The following SCARB1 variants were observed in gnomAD, a reference collection of about 807,000 sequenced individuals.
SCARB1 encodes scavenger receptor class B member 1, also known as CD36 and LIMPII analogous 1.
SCARB1 carries 30 observed loss-of-function variants against 57.2 expected under a neutral mutation model. The ratio of observed to expected loss-of-function variants is 0.52; its 90% CI spans 0.39 to 0.71. SCARB1 has a LOEUF of 0.71. Among genes scored for constraint, SCARB1 ranks in the 30% least tolerant of loss-of-function variants. The pLI is 0.00. For synonymous variants in SCARB1, 249 were observed against 268.3 expected (o/e 0.93, Z 0.70); for missense variants, 543 against 671.2 (o/e 0.81, Z 2.11).
intron 1 of SCARB1, chr12:124,839,197 C>T: frequency 2.2e-6 from 1 of 455,642 alleles, no homozygotes. Flanking sequence ...CCTGTACCCA[C>T]TGAAAAAGAG....
rs1163716020 is a variant in SCARB1, at chr12:124,800,457, C to A, written c.1010-215G>T. Reference sequence around the variant, plus strand: ...GCCAGAGAAGGGGTGAGGCAGGAGCCGCTGATTCTGACAGGAGAGACCAAA... The same window carrying A: ...GCCAGAGAAGGGGTGAGGCAGGAGCAGCTGATTCTGACAGGAGAGACCAAA... On this transcript the variant is annotated intron_variant, in intron 7 of 12. Transcript: ENST00000261693. The surrounding 1 kb of genome is among the most constrained non-coding windows in gnomAD (Gnocchi z 4.8). Among the ~76,000 whole-genome samples the A allele has an allele frequency of 6.6e-6, 1 of 152,122 alleles. No homozygotes were observed. Among genetic ancestry groups the A allele is most frequent in the African/African-American group, 2.4e-5 (1 of 41,408 alleles).
In SCARB1 at chr12:124,777,794, C is replaced by T. The variant is rs1296994597; in HGVS notation, c.*793G>A. On this transcript the variant is annotated 3_prime_UTR_variant, in exon 13 of 13. Transcript: ENST00000261693. ...TCACCTCAGCCTGGGCACCTATAAT[C>T]TGAGGGACCCTGTGAGGGGGTGGGG... The T allele has an allele frequency of 6.6e-6, 1 of 152,472 alleles. No individual in the cohort carries two copies. The highest frequency in any genetic ancestry group is 1.5e-5 in the Non-Finnish European group (1 of 68,230). The allele number at this position is 152,472 out of a possible 1,614,324, so 9.4% of individuals were successfully genotyped here.
intron 12 of SCARB1, among the ~76,000 whole-genome samples, chr12:124,779,542 T>C (rs1873017089): frequency 6.6e-6 from 1 of 152,180 alleles, no homozygotes; most frequent in Non-Finnish European, 1.5e-5. Context: ...GCTGGCCATC[T>C]TCAACACTGA....
chr12:124,788,663 G>A (rs1347887974), intron 9 of SCARB1, among the ~76,000 whole-genome samples: 1 of 152,200 alleles, frequency 6.6e-6, no homozygotes, highest in African/African-American at 2.4e-5. Flanking sequence ...TCTGCCTCCA[G>A]ACATCCTCTA....
chr12:124,858,070 T>C (rs1223954423), intron 1 of SCARB1, among the ~76,000 whole-genome samples: 2 of 152,214 alleles, frequency 1.3e-5, no homozygotes, highest in Non-Finnish European at 2.9e-5. Flanking sequence ...CACAGCTGCA[T>C]GCCAGGCTCA....
intron 1 of SCARB1, among the ~76,000 whole-genome samples, chr12:124,845,765 T>C (rs1952121078): frequency 6.7e-6 from 1 of 149,898 alleles, no homozygotes; most frequent in East Asian, 2.0e-4. Context: ...CCCAACACTT[T>C]GGGACCAAGG....
rs1950764990 is a variant in SCARB1 at position 124,817,134 on chromosome 12, ATGTGTATGTGTATGTGTG to A, written c.284+398_284+415del. ...TACGTGTGTATGTATGTATGTGTGT[ATGTGTATGTGTATGTGTG>A]TGTATGTATGTGTGTAACTCACACA... On this transcript the variant is annotated intron_variant, in intron 2 of 12. Coordinates refer to ENST00000261693, the MANE Select transcript of SCARB1 (RefSeq NM_005505.5). This position sits in a 1 kb window ranked among gnomAD's most constrained non-coding sequence, Gnocchi z 4.8. 2.6e-5 allele frequency among the ~76,000 whole-genome samples: 1 copy of A among 39,138 alleles called. No homozygotes were observed. Among genetic ancestry groups the A allele is most frequent in the Admixed American group, 2.7e-4 (1 of 3,702 alleles). The allele number at this position is 39,138 out of a possible 152,430, so 25.7% of individuals were successfully genotyped here. A position where few individuals can be genotyped will look rare whatever the true frequency, so the allele number is the denominator to read the frequency against.
Position 124,859,756 on chromosome 12 carries a change from G to C in SCARB1, c.126+3839C>G, listed in dbSNP as rs904547652. On this transcript the variant is annotated intron_variant, in intron 1 of 12. Transcript: ENST00000261693. ...AGGCCAAGGCAGAAGGATCACTTAAGGCCAGGAGTTCGAGACCAGCCTGGG... is the reference window on the plus strand; with the variant it reads ...AGGCCAAGGCAGAAGGATCACTTAACGCCAGGAGTTCGAGACCAGCCTGGG... 7.1e-4 allele frequency among the ~76,000 whole-genome samples: 108 copies of C among 152,206 alleles called. 1 individual carries two copies. Among genetic ancestry groups the C allele is most frequent in the African/African-American group, 2.3e-3 (94 of 41,530 alleles).
chr12:124,838,054 T>C (rs1448114589), intron 1 of SCARB1, among the ~76,000 whole-genome samples: 1 of 152,258 alleles, frequency 6.6e-6, no homozygotes, highest in Non-Finnish European at 1.5e-5. Context: ...GTGTCGTCAA[T>C]GGCAGCCTCA....
chr12:124,786,692 C>A (rs368969923), intron 10 of SCARB1, among the ~76,000 whole-genome samples, 189 bp from the exon 11 acceptor site: 1 of 152,234 alleles, frequency 6.6e-6, no homozygotes, highest in Non-Finnish European at 1.5e-5. Flanking sequence ...TACAATTCCC[C>A]GACTCCCTTG....
intron 10 of SCARB1, 89 bp from the exon 11 acceptor site, chr12:124,786,592 G>A (rs1949528894): frequency 2.1e-5 from 33 of 1,567,426 alleles, no homozygotes; most frequent in Non-Finnish European, 2.4e-5. Context: ...CTCTGTGCCC[G>A]CCTCAGCTTT....
rs780321324 is a variant in SCARB1 at position 124,779,470 on chromosome 12, G to A, written c.*1-884C>T. Among the ~76,000 whole-genome samples, 9 of 152,080 alleles carry A rather than the reference G, an allele frequency of 5.9e-5. No homozygotes were observed. The South Asian group carries it at 6.2e-4, about 11-fold the overall frequency. On this transcript the variant is annotated intron_variant, in intron 12 of 12. Transcript: ENST00000261693. ...CATGGCTGCTCAGGGTATGCGGGGC[G>A]CAGGACGTGGGGAGGGGGACGAGGG...
In SCARB1 at chr12:124,815,052, T is replaced by A. The variant is rs754220228; in HGVS notation, c.347A>T (p.Tyr116Phe). The A allele has an allele frequency of 1.2e-6, 2 of 1,614,050 alleles. No homozygotes were observed. The highest frequency in any genetic ancestry group is 3.3e-5 in the Admixed American group (2 of 60,004). Residue 116 changes from tyrosine to phenylalanine, a missense_variant, in exon 3 of 13, where the codon TAC (tyrosine) becomes TTC (phenylalanine). Tyr to Phe is a conservative substitution (Grantham distance 22). Coordinates refer to ENST00000261693, the MANE Select transcript of SCARB1 (RefSeq NM_005505.5). Reference protein sequence around the residue: ...NNNDTVSFLEYRTFQFQPSKS... With the variant: ...NNNDTVSFLEFRTFQFQPSKS... ...GGAGGGCTGGAACTGGAAGGTGCGG[T>A]ACTCGAGGAAGGACACGGTGTCGTT...
At chr12:124,858,006 T>G (rs1952710746) in intron 1 of SCARB1, among the ~76,000 whole-genome samples, 2 of 152,180 alleles carry the variant, frequency 1.3e-5, no homozygotes, top group African/African-American at 4.8e-5. Flanking sequence ...GGAACTTGGA[T>G]GTGTGCCCCC....
intron 1 of SCARB1, among the ~76,000 whole-genome samples, chr12:124,851,655 T>C (rs1952406823): frequency 2.0e-5 from 3 of 148,086 alleles, no homozygotes; most frequent in Non-Finnish European, 4.4e-5. Context: ...TCACCTAGGC[T>C]GAAGTGCAGT....
chr12:124,820,490 C>T (rs1305195286), intron 1 of SCARB1, among the ~76,000 whole-genome samples: 1 of 152,120 alleles, frequency 6.6e-6, no homozygotes, highest in Non-Finnish European at 1.5e-5. Context: ...CATGCGACCA[C>T]AGCCCACAGG....
rs1594303382 is a variant in SCARB1, at chr12:124,822,827, G to A, written c.127-5120C>T. ...CACTTGAGCCCAGGAGTTCAAGGCT[G>A]CAGTGAGCCGTGATCATGTGCCTGC... On this transcript the variant is annotated intron_variant, in intron 1 of 12. Coordinates refer to ENST00000261693, the MANE Select transcript of SCARB1 (RefSeq NM_005505.5). This position sits in a 1 kb window ranked among gnomAD's most constrained non-coding sequence, Gnocchi z 5.0. 1.3e-5 allele frequency among the ~76,000 whole-genome samples: 2 copies of A among 152,158 alleles called. No homozygotes were observed. Among genetic ancestry groups the A allele is most frequent in the East Asian group, 3.8e-4 (2 of 5,198 alleles).
At chr12:124,846,212 T>C (rs550464728) in intron 1 of SCARB1, among the ~76,000 whole-genome samples, 1 of 152,324 alleles carries the variant, frequency 6.6e-6, no homozygotes, top group East Asian at 1.9e-4. Flanking sequence ...GGATTAATTA[T>C]ATGTTATGTG....
In SCARB1 at chr12:124,787,399, C is replaced by T; in HGVS notation, c.1254+7G>A. ...AGCCCCCGACGCTGTGCCCAACGCA[C>T]CCTTACCTCTGCAAACCAGAGCAGC... On this transcript the variant is annotated splice_region_variant and intron_variant, in intron 10 of 12. Coordinates refer to ENST00000261693, the MANE Select transcript of SCARB1 (RefSeq NM_005505.5). The T allele has an allele frequency of 6.2e-7, 1 of 1,613,700 alleles. No individual in the cohort carries two copies.
Sources: gnomAD v4.1 joint callset for allele counts (sites outside exome capture counted in the v4.1 genomes callset) on GRCh38, gnomAD v4.1.1 for gene constraint, Gnocchi (gnomAD v3.1) non-coding constraint, MANE v1.5 for transcripts, NCBI Gene and HGNC (gene_info 2026-07-23, HGNC 2026-07-21) for gene names.